The following SLF1 variants were observed in gnomAD, a reference collection of about 807,000 sequenced individuals.
The protein encoded by SLF1 is SMC5/6 complex localization factor 1, also known as SMC5-SMC6 complex localization factor protein 1.
A neutral mutation model predicts 123.0 loss-of-function variants in SLF1; 105 were observed. That is an observed-to-expected ratio of 0.85 (90% CI 0.73 to 1.00). SLF1 has a LOEUF of 1.00. Ranked by LOEUF, SLF1 falls within the 50% of genes least tolerant of loss-of-function variation. The probability of loss-of-function intolerance (pLI) is 0.00; values close to 1 mark genes in which losing one functional copy is unlikely to be tolerated. For missense variants in SLF1, 1,239 were observed against 1,223.0 expected, an observed-to-expected ratio of 1.01 and a Z score of -0.20; for synonymous variants, 434 against 406.6, an observed-to-expected ratio of 1.07 and a Z score of -0.81.
chr5:94,625,548 T>C (rs1329208499), intron 1 of SLF1, among the ~76,000 whole-genome samples: 1 of 151,902 alleles, frequency 6.6e-6, no homozygotes, highest in Non-Finnish European at 1.5e-5. Flanking sequence ...CACACCTGGC[T>C]AATTTTTGTA....
intron 4 of SLF1, among the ~76,000 whole-genome samples, chr5:94,633,686 G>A (rs899890963): frequency 7.9e-5 from 12 of 152,138 alleles, no homozygotes; most frequent in Non-Finnish European, 1.6e-4. Flanking sequence ...AGAAGATCTC[G>A]CTAGTGAATT....
In SLF1 at chr5:94,670,146, T is replaced by C. The variant is rs758698107; in HGVS notation, c.1533-5T>C. ...GTTATAGATTTTTGGGTTCATGTTT[T>C]TCAGGTCTTGCCTTTTCAATGAAAG... On this transcript the variant is annotated splice_region_variant and splice_polypyrimidine_tract_variant and intron_variant, in intron 12 of 20. Transcript: ENST00000265140. The C allele has an allele frequency of 5.9e-6, 9 of 1,533,618 alleles. No homozygotes were observed. The South Asian group carries it at 1.1e-4, about 19-fold the overall frequency.
At chr5:94,647,283 C>T (rs958480723) in intron 5 of SLF1, among the ~76,000 whole-genome samples, 3 of 152,104 alleles carry the variant, frequency 2.0e-5, no homozygotes, top group Non-Finnish European at 4.4e-5. Flanking sequence ...AGTTAAGAAC[C>T]AAGTAGCACT....
intron 14 of SLF1, 124 bp downstream of exon 14, chr5:94,671,132 T>C (rs944620734): frequency 4.2e-6 from 3 of 717,222 alleles, no homozygotes; most frequent in Non-Finnish European, 4.2e-6. Flanking sequence ...AAATATATCA[T>C]TGTTTTCTAT....
chr5:94,626,582 T>A (rs1792268285), intron 1 of SLF1, among the ~76,000 whole-genome samples: 1 of 152,212 alleles, frequency 6.6e-6, no homozygotes, highest in Non-Finnish European at 1.5e-5. Context: ...AAATTGAGGT[T>A]GAAATACCAG....
chr5:94,678,861 A>G lies in SLF1; in HGVS notation c.1881A>G (p.Ile627Met). The change falls in exon 15 of 21, where the codon ATA becomes ATG. Residue 627 changes from isoleucine (I) to methionine (M), a missense_variant. Physicochemically the swap from Ile to Met is conservative, Grantham distance 10 (BLOSUM62 1). Transcript: ENST00000265140. Reference protein sequence around the residue: ...YLLAGILGAAIDYWIFLGLKM... With the variant: ...YLLAGILGAAMDYWIFLGLKM... ...TGGCTGGAATTCTTGGAGCAGCAAT[A>G]GATTATTGGATTTTCCTTGGTCTTA... 6.2e-7 allele frequency: 1 copy of G among 1,613,736 alleles called. No individual in the cohort carries two copies. The highest frequency in any genetic ancestry group is 8.5e-7 in the Non-Finnish European group (1 of 1,179,778).
In SLF1 at chr5:94,662,330, A is replaced by G; in HGVS notation, c.1188A>G (p.Lys396=). Residue 396 remains lysine, a synonymous_variant, in exon 10 of 21, where the codon AAA becomes AAG. Coordinates refer to ENST00000265140, the MANE Select transcript of SLF1 (RefSeq NM_032290.4). ...GATACAACTGCATTAGAATAGATAAACAACCAGTGTACAACGTAGAGGTAA... is the reference window on the plus strand; with the variant it reads ...GATACAACTGCATTAGAATAGATAAGCAACCAGTGTACAACGTAGAGGTAA... ...AVRYNCIRID[K]QPVYNVEVKN... 6.5e-7 allele frequency: 1 copy of G among 1,550,216 alleles called. No homozygotes were observed. Among genetic ancestry groups the G allele is most frequent in the East Asian group, 2.5e-5 (1 of 40,814 alleles).
At chr5:94,637,168 A>G (rs1200410257) in intron 4 of SLF1, among the ~76,000 whole-genome samples, 2 of 152,052 alleles carry the variant, frequency 1.3e-5, no homozygotes, top group East Asian at 1.9e-4. Context: ...TGGTCTCCTC[A>G]TTTGTGGAGA....
chr5:94,693,716 G>A (rs372132121), intron 20 of SLF1, among the ~76,000 whole-genome samples: 1 of 147,118 alleles, frequency 6.8e-6, no homozygotes, highest in Non-Finnish European at 1.5e-5. Context: ...TCTCTAAAAC[G>A]TTTGTTTACT....
chr5:94,641,053 A>T (rs1333572954), intron 4 of SLF1, among the ~76,000 whole-genome samples: 1 of 152,076 alleles, frequency 6.6e-6, no homozygotes, highest in Non-Finnish European at 1.5e-5. Flanking sequence ...AAGAATATTG[A>T]TAGAGGCTGA....
At chr5:94,629,863 G>A (rs1186101674) in intron 3 of SLF1, 6 of 152,184 alleles carry the variant, frequency 3.9e-5, no homozygotes, top group African/African-American at 1.4e-4. Flanking sequence ...AGAAACTGTT[G>A]GTCGGGTGTG....
At position 94,624,671 on chromosome 5, in the gene SLF1, T is replaced by C. The variant is rs578045262; in HGVS notation, c.1-4140T>C. ...AAGGACAAGCTTTAAATGAAACTTT[T>C]GGGTAACAGTGTTATAACAATTTTT... On this transcript the variant is annotated intron_variant, in intron 1 of 20. Coordinates refer to ENST00000265140, the MANE Select transcript of SLF1 (RefSeq NM_032290.4). Among the ~76,000 whole-genome samples the C allele has an allele frequency of 7.9e-5, 12 of 152,312 alleles. No homozygotes were observed. The South Asian group carries it at 1.9e-3, about 24-fold the overall frequency.
chr5:94,668,582 C>T (rs1029647081), intron 12 of SLF1, among the ~76,000 whole-genome samples: 4 of 152,116 alleles, frequency 2.6e-5, no homozygotes, highest in African/African-American at 7.2e-5. Flanking sequence ...GTGATCCACC[C>T]GCCTCCACTT....
intron 4 of SLF1, among the ~76,000 whole-genome samples, chr5:94,636,039 G>A (rs555292312): frequency 8.5e-4 from 129 of 152,042 alleles, no homozygotes; most frequent in Admixed American, 1.8e-3. Context: ...CCTTATTTCC[G>A]AAGAACAGTT....
At chr5:94,619,805 C>T (rs1290612609) in intron 1 of SLF1, among the ~76,000 whole-genome samples, 1 of 152,094 alleles carries the variant, frequency 6.6e-6, no homozygotes, top group Non-Finnish European at 1.5e-5. Context: ...GTGTTCAATA[C>T]CTAAGTTGCT....
chr5:94,663,911 A>T lies in SLF1; in HGVS notation c.1368+3A>T, dbSNP rs1466297950. The T allele has an allele frequency of 2.0e-6, 3 of 1,513,206 alleles. No homozygotes were observed. The highest frequency in any genetic ancestry group is 2.6e-6 in the Non-Finnish European group (3 of 1,134,378). 93.7% of individuals were successfully genotyped at this position (1,513,206 alleles called of 1,614,324 possible). On this transcript the variant is annotated splice_donor_region_variant and intron_variant, in intron 11 of 20. Transcript: ENST00000265140. ...CCCTTCTAGAGAACGTTCTACAGGT[A>T]AGAGCAGCCTTAAGGATTTATAATC...
chr5:94,654,113 T>A (rs1748089020), intron 8 of SLF1, among the ~76,000 whole-genome samples: 1 of 152,094 alleles, frequency 6.6e-6, no homozygotes. Flanking sequence ...GAGGTTGCAG[T>A]GAGCCAAGAT....
chr5:94,643,198 ATAAT>A lies in SLF1; in HGVS notation c.432-69_432-66del, dbSNP rs1585133326. 16 of 1,205,026 alleles carry A rather than the reference ATAAT, an allele frequency of 1.3e-5. No homozygotes were observed. The East Asian group carries it at 2.7e-4, about 20-fold the overall frequency. 74.6% of individuals were successfully genotyped at this position (1,205,026 alleles called of 1,614,324 possible). On this transcript the variant is annotated intron_variant, in intron 4 of 20. Coordinates refer to ENST00000265140, the MANE Select transcript of SLF1 (RefSeq NM_032290.4). ...AAAAGTCCATTCGTACTCCTAAGAAATAATTAATTTAGATAATTTGACTAAAGAA... is the reference window on the plus strand; with the variant it reads ...AAAAGTCCATTCGTACTCCTAAGAAATAATTTAGATAATTTGACTAAAGAA...
In SLF1 at chr5:94,657,259, T is replaced by C. The variant is rs185969962; in HGVS notation, c.1155+2507T>C. Among the ~76,000 whole-genome samples the C allele has an allele frequency of 2.5e-3, 383 of 152,114 alleles. 2 individuals carry two copies. Among genetic ancestry groups the C allele is most frequent in the Non-Finnish European group, 4.5e-3 (306 of 67,872 alleles). On this transcript the variant is annotated intron_variant, in intron 9 of 20. Transcript: ENST00000265140. ...TATGTTGTGTTTCCATTTTTATTTA[T>C]TATAAGAAATGTTTTATTTCCTTCT...
Sources: gnomAD v4.1 joint callset for allele counts (sites outside exome capture counted in the v4.1 genomes callset) on GRCh38, gnomAD v4.1.1 for gene constraint, MANE v1.5 for transcripts, NCBI Gene and HGNC (gene_info 2026-07-23, HGNC 2026-07-21) for gene names.